Variants in WARS1 observed in about 807,000 individuals in gnomAD.
The protein encoded by WARS1 is tryptophanyl-tRNA synthetase 1.
WARS1 carries 17 observed loss-of-function variants against 47.8 expected under a neutral mutation model. That is an observed-to-expected ratio of 0.36 (90% CI 0.24 to 0.53). WARS1 has a LOEUF of 0.53. Among genes scored for constraint, WARS1 ranks in the 20% least tolerant of loss-of-function variants. The pLI, the probability that WARS1 is intolerant of heterozygous loss-of-function variation, is 0.91. For synonymous variants in WARS1, 208 were observed against 228.1 expected, an observed-to-expected ratio of 0.91 and a Z score of 0.79; for missense variants, 434 against 608.0, an observed-to-expected ratio of 0.71 and a Z score of 3.01.
rs749513703 is a variant in WARS1, at chr14:100,353,657, T to C, written c.725+30A>G. 5 of 1,609,700 alleles carry C rather than the reference T, an allele frequency of 3.1e-6. No individual in the cohort carries two copies. The East Asian group carries it at 1.1e-4, about 36-fold the overall frequency. ...CAACTTGACATCCTCCTCTACCTAT[T>C]GAAAAGGCAGCCAGACGTTTTCTCC... On this transcript the variant is annotated intron_variant, in intron 6 of 10. Coordinates refer to ENST00000392882, the MANE Select transcript of WARS1 (RefSeq NM_004184.4).
chr14:100,334,689 A>G lies in WARS1; in HGVS notation c.*186T>C, dbSNP rs1893587777. The G allele has an allele frequency of 8.1e-6, 5 of 618,894 alleles. No homozygotes were observed. Among genetic ancestry groups the G allele is most frequent in the Middle Eastern group, 3.5e-4 (1 of 2,896 alleles). The allele number at this position is 618,894 out of a possible 1,614,324, so 38.3% of individuals were successfully genotyped here. A position where few individuals can be genotyped will look rare whatever the true frequency, so the allele number is the denominator to read the frequency against. ...ACCAATTACCCACAATGCTTTGCCC[A>G]TAAGAGATAGAAATAATGGAACTCA... On this transcript the variant is annotated 3_prime_UTR_variant, in exon 11 of 11. Transcript: ENST00000392882.
chr14:100,343,161 G>T, intron 8 of WARS1, 114 bp downstream of exon 8: 1 of 849,818 alleles, frequency 1.2e-6, no homozygotes, highest in Non-Finnish European at 1.7e-6. Context: ...ACAGGCGTGA[G>T]CCACCCTGCC....
chr14:100,374,654 A>G (rs1364532903), intron 1 of WARS1: 1 of 152,250 alleles, frequency 6.6e-6, no homozygotes, highest in African/African-American at 2.4e-5. Flanking sequence ...GCATCAAGAC[A>G]GCCAATTCTG....
chr14:100,354,037 C>G lies in WARS1; in HGVS notation c.543-168G>C, dbSNP rs1259820319. On this transcript the variant is annotated intron_variant, in intron 5 of 10. Transcript: ENST00000392882. Reference sequence around the variant, plus strand: ...ATTTGACTATGGATAATGATAAGGTCTACTACCATTTATCGACCAGGTGGC... The same window carrying G: ...ATTTGACTATGGATAATGATAAGGTGTACTACCATTTATCGACCAGGTGGC... 7.8e-6 allele frequency: 5 copies of G among 638,166 alleles called. No homozygotes were observed. The East Asian group carries it at 8.4e-5, about 11-fold the overall frequency. 39.5% of individuals were successfully genotyped at this position (638,166 alleles called of 1,614,324 possible).
rs367974015 is a variant in WARS1, at chr14:100,342,219, G to C, written c.1113+179C>G. ...AAAACAAATTCACCTGATTCATGTGGGAAGGACAGGCTGCCTTGAGTTCTG... is the reference window on the plus strand; with the variant it reads ...AAAACAAATTCACCTGATTCATGTGCGAAGGACAGGCTGCCTTGAGTTCTG... On this transcript the variant is annotated intron_variant, in intron 9 of 10. Coordinates refer to ENST00000392882, the MANE Select transcript of WARS1 (RefSeq NM_004184.4). The C allele has an allele frequency of 1.2e-5, 9 of 774,036 alleles. No individual in the cohort carries two copies. The South Asian group carries it at 1.2e-4, about 10-fold the overall frequency. 47.9% of individuals were successfully genotyped at this position (774,036 alleles called of 1,614,324 possible). A position where few individuals can be genotyped will look rare whatever the true frequency, so the allele number is the denominator to read the frequency against.
At chr14:100,348,948 C>T (rs1018095351) in intron 6 of WARS1, among the ~76,000 whole-genome samples, 2 of 152,202 alleles carry the variant, frequency 1.3e-5, no homozygotes, top group African/African-American at 4.8e-5. Flanking sequence ...GTGATCCTCC[C>T]CTCAAGGGAC....
chr14:100,365,962 G>C (rs1895962669), intron 2 of WARS1: 1 of 453,664 alleles, frequency 2.2e-6, no homozygotes, highest in Non-Finnish European at 4.4e-6. Flanking sequence ...ACAGGAGTGG[G>C]GGCAGGAAAG....
At chr14:100,375,787 C>G (rs1305199267), upstream of WARS1, 2 of 152,240 alleles carry the variant, frequency 1.3e-5, no homozygotes, top group Non-Finnish European at 2.9e-5. Flanking sequence ...ATCAGGAGTT[C>G]TGGGGTCACA....
At position 100,353,678 on chromosome 14, in the gene WARS1, T is replaced by C; in HGVS notation, c.725+9A>G. ...CTATTGAAAAGGCAGCCAGACGTTTTCTCCTTACCCCATGTAGTCCAGGTC... is the reference window on the plus strand; with the variant it reads ...CTATTGAAAAGGCAGCCAGACGTTTCCTCCTTACCCCATGTAGTCCAGGTC... On this transcript the variant is annotated intron_variant, in intron 6 of 10. Coordinates refer to ENST00000392882, the MANE Select transcript of WARS1 (RefSeq NM_004184.4). The C allele has an allele frequency of 1.2e-6, 2 of 1,612,294 alleles. No individual in the cohort carries two copies. The highest frequency in any genetic ancestry group is 1.7e-6 in the Non-Finnish European group (2 of 1,179,036).
At chr14:100,365,475 G>C (rs191679888) in intron 2 of WARS1, 1 of 257,916 alleles carries the variant, frequency 3.9e-6, no homozygotes, top group African/African-American at 2.3e-5. Context: ...AGCTACTTAC[G>C]AGGCCAGGGC....
At chr14:100,359,091 G>C (rs1470982303) in intron 4 of WARS1, among the ~76,000 whole-genome samples, 1 of 152,170 alleles carries the variant, frequency 6.6e-6, no homozygotes, top group Non-Finnish European at 1.5e-5. Context: ...TGATACAGTT[G>C]CTGTAGAAAA....
chr14:100,370,488 A>T (rs1047104147), intron 1 of WARS1: 4 of 152,242 alleles, frequency 2.6e-5, no homozygotes, highest in African/African-American at 9.6e-5. Flanking sequence ...GATTCCAAAG[A>T]TTGGCTGAAC....
intron 4 of WARS1, 69 bp downstream of exon 4, chr14:100,360,485 G>A: frequency 2.4e-6 from 3 of 1,266,928 alleles, no homozygotes; most frequent in Non-Finnish European, 3.4e-6. Flanking sequence ...TATGAAGAGA[G>A]TGTCTTACGA....
chr14:100,369,505 C>CTT (rs1436995188), intron 1 of WARS1, among the ~76,000 whole-genome samples: 2 of 151,902 alleles, frequency 1.3e-5, no homozygotes, highest in Non-Finnish European at 2.9e-5. Flanking sequence ...AGGTGTGAAT[C>CTT]TACTTGACTA....
chr14:100,363,718 GT>G (rs1035188593), intron 2 of WARS1, among the ~76,000 whole-genome samples: 1 of 151,836 alleles, frequency 6.6e-6, no homozygotes, highest in Non-Finnish European at 1.5e-5. Flanking sequence ...CAGAACATCA[GT>G]TTTTTTTAGA....
chr14:100,366,791 G>A (rs1178861721), intron 2 of WARS1: 13 of 1,241,896 alleles, frequency 1.0e-5, no homozygotes, highest in African/African-American at 1.5e-5. Context: ...ATACATGGGT[G>A]GCTTTGCAAA....
intron 6 of WARS1, among the ~76,000 whole-genome samples, chr14:100,350,885 G>A (rs1894936026): frequency 6.6e-6 from 1 of 152,172 alleles, no homozygotes; most frequent in African/African-American, 2.4e-5. Flanking sequence ...AAAAGGTGAT[G>A]CTTGATCATG....
At chr14:100,348,538 G>C (rs1255156721) in intron 6 of WARS1, among the ~76,000 whole-genome samples, 1 of 152,234 alleles carries the variant, frequency 6.6e-6, no homozygotes, top group African/African-American at 2.4e-5. Context: ...ACAACAGAGA[G>C]CAAGAGCACA....
At chr14:100,350,932 G>T (rs1894940654) in intron 6 of WARS1, among the ~76,000 whole-genome samples, 1 of 152,132 alleles carries the variant, frequency 6.6e-6, no homozygotes, top group African/African-American at 2.4e-5. Context: ...CTAAGCTGGG[G>T]GTGGCAGGGT....
Sources: allele counts gnomAD v4.1 joint callset (sites outside exome capture counted in the v4.1 genomes callset), GRCh38; gene constraint gnomAD v4.1.1; transcripts MANE v1.5; gene names NCBI Gene and HGNC (gene_info 2026-07-23, HGNC 2026-07-21).